The following FBXW10 variants were observed in gnomAD, a reference collection of about 807,000 sequenced individuals.
FBXW10 encodes F-box and WD repeat domain containing 10.
FBXW10 carries 68 observed loss-of-function variants against 113.1 expected under a neutral mutation model. That is an observed-to-expected ratio of 0.60 (90% CI 0.49 to 0.74). The LOEUF (loss-of-function observed/expected upper bound fraction) is 0.74. FBXW10 is among the 30% of genes least tolerant of loss of function. The pLI is 0.00. For synonymous variants in FBXW10, 289 were observed against 481.6 expected (o/e 0.60, Z 5.24); for missense variants, 753 against 1,284.5 (o/e 0.59, Z 6.32).
chr17:18,751,140 A>G lies in FBXW10; in HGVS notation c.1122+87A>G, dbSNP rs1597589506. 4.5e-6 allele frequency: 7 copies of G among 1,561,338 alleles called. No individual in the cohort carries two copies. In the East Asian group the frequency reaches 1.6e-4, roughly 36 times the overall value. On this transcript the variant is annotated intron_variant, in intron 5 of 13. Coordinates refer to ENST00000395665, the MANE Select transcript of FBXW10 (RefSeq NM_001267585.2). ...GGCTGAGGTCCAGACTCAGCCCTGG[A>G]GTGAGGACAGAGGATCACGGCAGGT...
intron 11 of FBXW10, among the ~76,000 whole-genome samples, chr17:18,771,424 C>T (rs1257592062): frequency 1.3e-5 from 2 of 152,118 alleles, no homozygotes; most frequent in African/African-American, 4.8e-5. Flanking sequence ...GTTAGGGAGG[C>T]AGTGCTGTGG....
chr17:18,744,913 T>C, intron 1 of FBXW10, 164 bp downstream of exon 1: 1 of 1,457,590 alleles, frequency 6.9e-7, no homozygotes, highest in Non-Finnish European at 9.0e-7. Context: ...CACCCGATCC[T>C]GTTTACCAAA....
chr17:18,754,740 G>A (rs9907023), intron 5 of FBXW10, among the ~76,000 whole-genome samples: 53,050 of 146,770 alleles, frequency 0.36, 6,420 homozygotes, highest in Non-Finnish European at 0.4. Flanking sequence ...AAGCAAAGGA[G>A]GGAGGGAAGG....
intron 7 of FBXW10, among the ~76,000 whole-genome samples, chr17:18,762,387 G>A (rs1157031019): frequency 5.1e-5 from 7 of 138,114 alleles, no homozygotes; most frequent in Non-Finnish European, 1.1e-4. Context: ...ACGCGATCTC[G>A]GCTCACTGTA....
chr17:18,765,203 A>G (rs1461940185), intron 8 of FBXW10, among the ~76,000 whole-genome samples: 2 of 152,250 alleles, frequency 1.3e-5, no homozygotes, highest in Non-Finnish European at 2.9e-5. Context: ...TGGGGAATAT[A>G]ATAAGTCCAT....
At position 18,748,212 on chromosome 17, in the gene FBXW10, G is replaced by A. The variant is rs1224952770; in HGVS notation, c.670+107G>A. 2.6e-6 allele frequency: 4 copies of A among 1,518,508 alleles called. No homozygotes were observed. The Admixed American group carries it at 8.4e-5, about 32-fold the overall frequency. 94.1% of individuals were successfully genotyped at this position (1,518,508 alleles called of 1,614,324 possible). A position where few individuals can be genotyped will look rare whatever the true frequency, so the allele number is the denominator to read the frequency against. ...AGGCAAGCAGATCATGAGGTCAGGA[G>A]ATCGAGACCATCCTGGCTAACACGG... On this transcript the variant is annotated intron_variant, in intron 2 of 13. Coordinates refer to ENST00000395665, the MANE Select transcript of FBXW10 (RefSeq NM_001267585.2).
At chr17:18,775,753 C>T (rs913130127) in intron 13 of FBXW10, among the ~76,000 whole-genome samples, 1 of 152,144 alleles carries the variant, frequency 6.6e-6, no homozygotes, top group African/African-American at 2.4e-5. Context: ...CTAGGATGGG[C>T]ATAGTGGCTC....
intron 1 of FBXW10, among the ~76,000 whole-genome samples, chr17:18,747,137 C>T (rs748236715): frequency 1.1e-4 from 16 of 151,998 alleles, no homozygotes; most frequent in African/African-American, 3.1e-4. Context: ...CGTGTTAGCC[C>T]GGATGGTCTC....
chr17:18,760,061 TG>T (rs1425311581), intron 7 of FBXW10, among the ~76,000 whole-genome samples: 3 of 152,224 alleles, frequency 2.0e-5, no homozygotes, highest in Admixed American at 2.0e-4. Context: ...TTTTCCAATG[TG>T]GTTGTATTAA....
intron 5 of FBXW10, among the ~76,000 whole-genome samples, chr17:18,751,794 G>A (rs1202456890): frequency 1.3e-5 from 2 of 152,158 alleles, no homozygotes; most frequent in East Asian, 1.9e-4. Context: ...GGGCCTAGAC[G>A]AATTCGGCTC....
intron 7 of FBXW10, among the ~76,000 whole-genome samples, chr17:18,764,345 G>T (rs1387069417): frequency 6.6e-6 from 1 of 151,734 alleles, no homozygotes; most frequent in Admixed American, 6.6e-5. Flanking sequence ...GGGACTACAG[G>T]TGCACACCAC....
chr17:18,747,807 A>G, intron 1 of FBXW10, 134 bp from the exon 2 acceptor site: 31 of 1,387,738 alleles, frequency 2.2e-5, no homozygotes, highest in Non-Finnish European at 2.9e-5. Context: ...CCAAATAAAA[A>G]CAGACATAAC....
chr17:18,744,505 T>C lies in FBXW10; in HGVS notation c.261T>C (p.Tyr87=). 1 of 1,613,968 alleles carries C rather than the reference T, an allele frequency of 6.2e-7. No homozygotes were observed. Among genetic ancestry groups the C allele is most frequent in the Non-Finnish European group, 8.5e-7 (1 of 1,179,876 alleles). Residue 87 remains tyrosine, a synonymous_variant, in exon 1 of 14, where the codon TAT becomes TAC. Coordinates refer to ENST00000395665, the MANE Select transcript of FBXW10 (RefSeq NM_001267585.2). ...LQTTQGKDFI[Y]NRSRINLSKK... is the part of the protein sequence containing the mutation. ...CCACACAGGGAAAGGATTTCATCTA[T>C]AACAGGTCCCGGATCAACCTCAGCA... is the stretch of plus-strand genomic sequence containing the variant.
chr17:18,745,228 T>C (rs191912090), intron 1 of FBXW10: 4 of 987,750 alleles, frequency 4.0e-6, no homozygotes, highest in Non-Finnish European at 3.6e-6. Context: ...GCTCCTTGCT[T>C]ATCCATGAAA....
In FBXW10 at chr17:18,744,965, A is replaced by G. The variant is rs568142347; in HGVS notation, c.505+216A>G. On this transcript the variant is annotated intron_variant, in intron 1 of 13. Coordinates refer to ENST00000395665, the MANE Select transcript of FBXW10 (RefSeq NM_001267585.2). The stretch of plus-strand genomic sequence containing the variant: ...GTAACTTCCTTCTTGAAAATGATCA[A>G]TGCAGGAGGAAGTACACAACTTTTA... 2.3e-4 allele frequency: 328 copies of G among 1,426,684 alleles called. 2 individuals carry two copies. The highest frequency in any genetic ancestry group is 2.8e-4 in the Non-Finnish European group (302 of 1,092,490). The allele number at this position is 1,426,684 out of a possible 1,614,324, so 88.4% of individuals were successfully genotyped here.
At chr17:18,775,329 T>C in intron 13 of FBXW10, 137 bp downstream of exon 13, 1 of 634,216 alleles carries the variant, frequency 1.6e-6, no homozygotes, top group Non-Finnish European at 2.8e-6. Flanking sequence ...AGATCCAAAC[T>C]CTTTCTCTCA....
intron 12 of FBXW10, among the ~76,000 whole-genome samples, chr17:18,774,602 T>C (rs374114257): frequency 1.3e-5 from 2 of 152,082 alleles, no homozygotes; most frequent in East Asian, 3.9e-4. Context: ...GAGACCAGCC[T>C]GACAAACATG....
chr17:18,770,176 C>T (rs1330956255), intron 11 of FBXW10, 91 bp downstream of exon 11: 1 of 1,581,914 alleles, frequency 6.3e-7, no homozygotes, highest in Non-Finnish European at 8.6e-7. Context: ...CCTGGATTTG[C>T]TGTCAGGAGG....
intron 7 of FBXW10, among the ~76,000 whole-genome samples, chr17:18,762,897 T>C (rs931728881): frequency 6.7e-6 from 1 of 148,876 alleles, no homozygotes; most frequent in African/African-American, 2.5e-5. Context: ...CTTGCATAAA[T>C]TTAAAAAACC....
Sources: gnomAD v4.1 joint callset for allele counts (sites outside exome capture counted in the v4.1 genomes callset) on GRCh38, gnomAD v4.1.1 for gene constraint, MANE v1.5 for transcripts, NCBI Gene and HGNC (gene_info 2026-07-23, HGNC 2026-07-21) for gene names.